Variants in ARAP1 observed in about 807,000 individuals in gnomAD.
ARAP1 encodes the protein arf-GAP with Rho-GAP domain, ANK repeat and PH domain-containing protein 1.
In ARAP1, 76 loss-of-function variants were observed where a neutral mutation model predicts 172.2. The observed-to-expected ratio is 0.44, with a 90% CI of 0.37 to 0.53. ARAP1 has a LOEUF of 0.53. ARAP1 is among the 20% of genes least tolerant of loss of function. The pLI is 0.00. For missense variants in ARAP1, 1,686 were observed against 1,977.5 expected, an observed-to-expected ratio of 0.85 and a Z score of 2.80; for synonymous variants, 804 against 803.3, an observed-to-expected ratio of 1.00 and a Z score of -0.01.
At chr11:72,742,293 C>T (rs865801279) in intron 1 of ARAP1, among the ~76,000 whole-genome samples, 7 of 152,134 alleles carry the variant, frequency 4.6e-5, no homozygotes, top group Non-Finnish European at 8.8e-5. Context: ...AACAAAAGGT[C>T]GTGTTTATGC....
In ARAP1 at chr11:72,721,943, C is replaced by T. The variant is rs1030893813; in HGVS notation, c.509+4677G>A. The T allele has an allele frequency of 1.4e-5, 14 of 986,428 alleles. No homozygotes were observed. The African/African-American group carries it at 2.4e-4, about 17-fold the overall frequency. 61.1% of individuals were successfully genotyped at this position (986,428 alleles called of 1,614,324 possible). The stretch of plus-strand genomic sequence containing the variant: ...CAAGAATGTCGTGTACCTGCCCGTG[C>T]AAGCCTGGGTCCCGCCTGGGCTGGT... On this transcript the variant is annotated intron_variant, in intron 3 of 34. Coordinates refer to ENST00000393609, the MANE Select transcript of ARAP1 (RefSeq NM_001040118.3).
chr11:72,688,577 GA>G (rs1855790969), intron 30 of ARAP1, 40 bp from the exon 31 acceptor site: 2 of 1,563,790 alleles, frequency 1.3e-6, no homozygotes, highest in South Asian at 2.3e-5. Flanking sequence ...TTAGTCTGCA[GA>G]AAGGGCACTG....
intron 21 of ARAP1, 37 bp from the exon 22 acceptor site, chr11:72,697,232 G>A (rs760874261): frequency 5.0e-6 from 8 of 1,590,302 alleles, no homozygotes; most frequent in Admixed American, 1.7e-5. Context: ...GGGGCCTGAG[G>A]CATAGAGTCA....
chr11:72,712,298 C>G lies in ARAP1; in HGVS notation c.920G>C (p.Ser307Thr). 6.3e-7 allele frequency: 1 copy of G among 1,583,598 alleles called. No homozygotes were observed. Among genetic ancestry groups the G allele is most frequent in the Non-Finnish European group, 8.6e-7 (1 of 1,162,166 alleles). The change falls in exon 7 of 35, where the codon AGC becomes ACC. Residue 307 changes from serine (S) to threonine (T), a missense_variant. Ser to Thr is a moderately conservative substitution (Grantham distance 58). Coordinates refer to ENST00000393609, the MANE Select transcript of ARAP1 (RefSeq NM_001040118.3). ...CATGGGGTGTGGCGCAGCTATTGTGCTGGGCAAGGACAAGCTCAGGCTGCT... is the reference window on the plus strand; with the variant it reads ...CATGGGGTGTGGCGCAGCTATTGTGGTGGGCAAGGACAAGCTCAGGCTGCT... The part of the protein sequence containing the change: ...HTSSLSLSLP[S>T]TIAAPHPMDG...
intron 1 of ARAP1, among the ~76,000 whole-genome samples, chr11:72,735,306 G>A (rs987849204): frequency 9.2e-5 from 14 of 151,598 alleles, no homozygotes; most frequent in South Asian, 6.3e-4. Flanking sequence ...CACTCTTCAC[G>A]GCCTCTCAAA....
intron 3 of ARAP1, among the ~76,000 whole-genome samples, chr11:72,723,902 G>A (rs1289674320): frequency 1.3e-5 from 2 of 152,334 alleles, no homozygotes; most frequent in East Asian, 3.9e-4. Context: ...ACACACACGT[G>A]CACACACTGG....
chr11:72,688,564 A>C lies in ARAP1; in HGVS notation c.3988-27T>G, dbSNP rs769561881. 4.4e-6 allele frequency: 7 copies of C among 1,593,282 alleles called. No homozygotes were observed. The South Asian group carries it at 7.9e-5, about 18-fold the overall frequency. On this transcript the variant is annotated intron_variant, in intron 30 of 34. Coordinates refer to ENST00000393609, the MANE Select transcript of ARAP1 (RefSeq NM_001040118.3). ...TGAGGTAGGGCAAGGAGAAGAGGGCACTTTAGTCTGCAGAAAGGGCACTGG... is the reference window on the plus strand; with the variant it reads ...TGAGGTAGGGCAAGGAGAAGAGGGCCCTTTAGTCTGCAGAAAGGGCACTGG...
intron 2 of ARAP1, among the ~76,000 whole-genome samples, chr11:72,727,959 G>T (rs1435840263): frequency 6.6e-6 from 1 of 152,166 alleles, no homozygotes; most frequent in Non-Finnish European, 1.5e-5. Context: ...AAAGGGAAAA[G>T]TCATCTGATT....
intron 15 of ARAP1, 49 bp downstream of exon 15, chr11:72,702,856 C>T (rs759145054): frequency 1.9e-6 from 3 of 1,543,604 alleles, no homozygotes; most frequent in East Asian, 4.9e-5. Context: ...AATCAAACCC[C>T]ACCAGGCACT....
Position 72,741,084 on chromosome 11 carries a change from C to A in ARAP1, c.-127-8487G>T, listed in dbSNP as rs781291928. On this transcript the variant is annotated intron_variant, in intron 1 of 34. Coordinates refer to ENST00000393609, the MANE Select transcript of ARAP1 (RefSeq NM_001040118.3). The surrounding 1 kb of genome is among the most constrained non-coding windows in gnomAD (Gnocchi z 4.5). Reference sequence around the variant, plus strand: ...ATGCCCCTCTGGCCCCACCACATACCCCCGACCCCTAATGGGTCTGGGGAC... The same window carrying A: ...ATGCCCCTCTGGCCCCACCACATACACCCGACCCCTAATGGGTCTGGGGAC... Among the ~76,000 whole-genome samples, 50 of 152,144 alleles carry A rather than the reference C, an allele frequency of 3.3e-4. No homozygotes were observed. Among genetic ancestry groups the A allele is most frequent in the Non-Finnish European group, 6.0e-4 (41 of 68,020 alleles).
intron 30 of ARAP1, among the ~76,000 whole-genome samples, chr11:72,692,229 G>A (rs186388040): frequency 3.9e-5 from 6 of 152,270 alleles, no homozygotes; most frequent in Admixed American, 2.0e-4. Flanking sequence ...CCCAAGGGCG[G>A]AGGGATGAGC....
intron 1 of ARAP1, among the ~76,000 whole-genome samples, chr11:72,746,335 G>A (rs1858364029): frequency 6.6e-6 from 1 of 152,202 alleles, no homozygotes; most frequent in Admixed American, 6.5e-5. Flanking sequence ...GGGGGTGGTA[G>A]ATGCAGGGAG....
intron 12 of ARAP1, among the ~76,000 whole-genome samples, chr11:72,706,347 G>A (rs1485597811): frequency 2.0e-5 from 3 of 151,878 alleles, no homozygotes; most frequent in African/African-American, 7.3e-5. Context: ...GATCTCAGCT[G>A]GCATGTCACC....
In ARAP1 at chr11:72,713,205, C is replaced by T; in HGVS notation, c.718G>A (p.Gly240Arg). ...TTGGTCATCACTCTGGCTGGGGCCC[C>T]CGGCCCCTCCTCTGGGACCTCATCG... Reference protein sequence around the residue: ...DYDEVPEEGPGAPARVMTKKE... With the variant: ...DYDEVPEEGPRAPARVMTKKE... The change falls in exon 5 of 35, where the codon GGG (glycine) becomes AGG (arginine). Residue 240 changes from glycine (G) to arginine (R), a missense_variant. Around this residue, in one of 5 missense-constraint regions of ARAP1, gnomAD observed 155 missense variants for 129.2 expected, o/e 1.20. Transcript: ENST00000393609. 2 of 1,613,704 alleles carry T rather than the reference C, an allele frequency of 1.2e-6. No homozygotes were observed. The highest frequency in any genetic ancestry group is 2.2e-5 in the East Asian group (1 of 44,866).
Position 72,685,656 on chromosome 11 carries a change from T to A in ARAP1, c.*8A>T. ...CGGAATCCTAGAGCCAAGGATGGGC[T>A]CCTGTGCTCAGACGTTGCGCAGAAG... On this transcript the variant is annotated 3_prime_UTR_variant, in exon 35 of 35. Transcript: ENST00000393609. 6.2e-7 allele frequency: 1 copy of A among 1,614,082 alleles called. No homozygotes were observed. The highest frequency in any genetic ancestry group is 8.5e-7 in the Non-Finnish European group (1 of 1,179,952).
chr11:72,712,153 C>A, intron 7 of ARAP1, 43 bp downstream of exon 7: 1 of 1,513,250 alleles, frequency 6.6e-7, no homozygotes, highest in Non-Finnish European at 8.8e-7. Flanking sequence ...TGCCCCCCAC[C>A]CCCCCATGCA....
chr11:72,744,463 C>T (rs12289257), intron 1 of ARAP1, among the ~76,000 whole-genome samples: 7,743 of 152,264 alleles, frequency 0.051, 671 homozygotes, highest in African/African-American at 0.18. Context: ...TACTACCCAG[C>T]CCTGCCTTCT....
chr11:72,695,658 G>A lies in ARAP1; in HGVS notation c.3421-30C>T. On this transcript the variant is annotated intron_variant, in intron 24 of 34. Transcript: ENST00000393609. The surrounding 1 kb of genome is among the most constrained non-coding windows in gnomAD (Gnocchi z 4.4). ...GAAGGGGCGAGAGGCAGGGACAGGT[G>A]GTCACCGTCATCTGCAAGGATCACC... is the stretch of plus-strand genomic sequence containing the variant. 1 of 1,614,014 alleles carries A rather than the reference G, an allele frequency of 6.2e-7. No homozygotes were observed. The highest frequency in any genetic ancestry group is 1.1e-5 in the South Asian group (1 of 91,052).
intron 15 of ARAP1, 47 bp from the exon 16 acceptor site, chr11:72,701,830 G>C (rs1372932711): frequency 5.6e-6 from 9 of 1,601,556 alleles, no homozygotes; most frequent in Non-Finnish European, 7.7e-6. Flanking sequence ...CCACCCAAGA[G>C]GGTGTCCCCA....
Sources: allele counts gnomAD v4.1 joint callset (sites outside exome capture counted in the v4.1 genomes callset), GRCh38; gene constraint gnomAD v4.1.1; regional missense constraint gnomAD v4.1.1; non-coding constraint Gnocchi (gnomAD v3.1); transcripts MANE v1.5; gene names NCBI Gene and HGNC (gene_info 2026-07-23, HGNC 2026-07-21).